RANBP2: variants seen among roughly 807,000 people sequenced by gnomAD.
The protein encoded by RANBP2 is E3 SUMO-protein ligase RanBP2.
Under a neutral mutation model 303.6 loss-of-function variants are expected in RANBP2, and 57 were observed. The observed-to-expected ratio is 0.19, with a 90% CI of 0.15 to 0.23. The LOEUF (loss-of-function observed/expected upper bound fraction) is 0.23, where lower values mean the gene tolerates loss of function less well. Ranked by LOEUF, RANBP2 falls within the 10% of genes least tolerant of loss-of-function variation. RANBP2 has a pLI of 1.00. For synonymous variants in RANBP2, 1,167 were observed against 1,301.5 expected (o/e 0.90, Z 2.23); for missense variants, 3,138 against 3,780.8 (o/e 0.83, Z 4.46).
chr2:108,972,776 G>A, the RANBP2 span, among the ~76,000 whole-genome samples: 1 of 152,184 alleles, frequency 6.6e-6, no homozygotes, highest in Non-Finnish European at 1.5e-5. Context: ...GACTCAGAAG[G>A]GGGTGAGGAC....
chr2:109,539,406 A>T, the RANBP2 span, among the ~76,000 whole-genome samples: 2 of 152,120 alleles, frequency 1.3e-5, no homozygotes, highest in African/African-American at 2.4e-5. Context: ...CCACCCCAAA[A>T]GGTTTCACGT....
the RANBP2 span, among the ~76,000 whole-genome samples, chr2:109,334,357 TTA>T: frequency 1.3e-4 from 13 of 97,674 alleles, no homozygotes; most frequent in Admixed American, 8.6e-4. Context: ...TTTTTTTCCT[TTA>T]AAAAAAAAAA....
At chr2:109,279,438 GGGTCTTC>G in the RANBP2 span, among the ~76,000 whole-genome samples, 1 of 152,170 alleles carries the variant, frequency 6.6e-6, no homozygotes, top group Admixed American at 6.5e-5. Flanking sequence ...CCTGTCTACT[GGGTCTTC>G]CTCCACCTCA....
chr2:109,545,449 G>A, the RANBP2 span: 1 of 1,535,904 alleles, frequency 6.5e-7, no homozygotes, highest in Non-Finnish European at 8.7e-7. Context: ...TTGCACTGTG[G>A]CCCTCTCTAC....
At chr2:109,047,716 A>G in the RANBP2 span, among the ~76,000 whole-genome samples, 19 of 152,362 alleles carry the variant, frequency 1.2e-4, no homozygotes, top group South Asian at 3.7e-3. Flanking sequence ...AGCCTGAGGC[A>G]CAAGAATTGC....
chr2:109,540,798 C>CAAAAAA, the RANBP2 span, among the ~76,000 whole-genome samples: 8,210 of 130,860 alleles, frequency 0.063, 472 homozygotes, highest in African/African-American at 0.13. Context: ...AAGACCCTGT[C>CAAAAAA]AAAAAAAAAA....
chr2:108,781,172 T>G, intron 25 of RANBP2, 97 bp from the exon 26 acceptor site: 3 of 1,199,802 alleles, frequency 2.5e-6, no homozygotes, highest in Non-Finnish European at 3.7e-6. Context: ...ATGTACATAT[T>G]ACATCATCAG....
chr2:109,338,151 A>C, the RANBP2 span, among the ~76,000 whole-genome samples: 3 of 152,240 alleles, frequency 2.0e-5, no homozygotes, highest in African/African-American at 7.2e-5. Flanking sequence ...TGCTACCAAC[A>C]GGAGACCATC....
At chr2:108,957,293 C>A in the RANBP2 span, among the ~76,000 whole-genome samples, 1 of 152,224 alleles carries the variant, frequency 6.6e-6, no homozygotes, top group Admixed American at 6.5e-5. Context: ...CTGGAAACAG[C>A]AACGCCTCTT....
In RANBP2 at chr2:108,768,160, A is replaced by G; in HGVS notation, c.7621A>G (p.Thr2541Ala). Residue 2541 changes from threonine to alanine, a missense_variant, in exon 20 of 29, where the codon ACT becomes GCT. By Grantham distance (58) the Thr-to-Ala change is moderately conservative. Around this residue, in one of 20 missense-constraint regions of RANBP2, gnomAD observed 497 missense variants for 465.8 expected, o/e 1.07. Transcript: ENST00000283195. Reference sequence around the variant, plus strand: ...ATTTGCATTCGGCAACAGTTCAGCCACTGGGTCTTTGTTTGGATTTAGTTT... The same window carrying G: ...ATTTGCATTCGGCAACAGTTCAGCCGCTGGGTCTTTGTTTGGATTTAGTTT... ...KPFAFGNSSA[T>A]GSLFGFSFNA... The G allele has an allele frequency of 6.2e-7, 1 of 1,612,058 alleles. No homozygotes were observed. Among genetic ancestry groups the G allele is most frequent in the Non-Finnish European group, 8.5e-7 (1 of 1,179,868 alleles).
chr2:108,730,027 G>A (rs1695045538), intron 2 of RANBP2, among the ~76,000 whole-genome samples: 1 of 151,354 alleles, frequency 6.6e-6, no homozygotes, highest in Non-Finnish European at 1.5e-5. Flanking sequence ...CTGGGAGGCA[G>A]GCTTTTAAAG....
the RANBP2 span, among the ~76,000 whole-genome samples, chr2:109,341,348 C>T: frequency 9.5e-4 from 145 of 152,320 alleles, no homozygotes; most frequent in African/African-American, 3.3e-3. Flanking sequence ...CTGGTAAATG[C>T]ATTATTTAAA....
At chr2:108,788,887 T>C, downstream of RANBP2, 1 of 1,614,158 alleles carries the variant, frequency 6.2e-7, no homozygotes, top group Non-Finnish European at 8.5e-7. Context: ...TAAAGTTGGT[T>C]CATCGTTAAA....
At chr2:109,337,995 G>C in the RANBP2 span, among the ~76,000 whole-genome samples, 1 of 152,144 alleles carries the variant, frequency 6.6e-6, no homozygotes, top group Admixed American at 6.5e-5. Flanking sequence ...GCCTCCCAAA[G>C]TGTTGGGATT....
At chr2:109,532,855 C>T in the RANBP2 span, among the ~76,000 whole-genome samples, 2 of 152,184 alleles carry the variant, frequency 1.3e-5, no homozygotes, top group African/African-American at 4.8e-5. Context: ...GCAGTGGACA[C>T]CTCACACAGG....
At chr2:109,529,562 C>T in the RANBP2 span, among the ~76,000 whole-genome samples, 3,921 of 152,264 alleles carry the variant, frequency 0.026, 51 homozygotes, top group Middle Eastern at 0.065. Flanking sequence ...GCCAAGGACA[C>T]GTGGTAACAG....
chr2:108,881,238 T>A, the RANBP2 span, among the ~76,000 whole-genome samples: 3 of 152,356 alleles, frequency 2.0e-5, no homozygotes, highest in African/African-American at 7.2e-5. Context: ...TGCTTCAACT[T>A]GCACTTTTAT....
the RANBP2 span, among the ~76,000 whole-genome samples, chr2:109,179,002 A>AGTGT: frequency 1.3e-4 from 6 of 47,174 alleles, no homozygotes; most frequent in African/African-American, 4.0e-4. Context: ...AAAGTATAAT[A>AGTGT]ATGTGTGTGT....
chr2:109,243,832 C>T, the RANBP2 span, among the ~76,000 whole-genome samples: 1 of 152,144 alleles, frequency 6.6e-6, no homozygotes, highest in Admixed American at 6.5e-5. Flanking sequence ...AGGCTGTAAT[C>T]AGGACAATAC....
Sources: gnomAD v4.1 joint callset for allele counts (sites outside exome capture counted in the v4.1 genomes callset) on GRCh38, gnomAD v4.1.1 for gene constraint, gnomAD v4.1.1 regional missense constraint, MANE v1.5 for transcripts, NCBI Gene and HGNC (gene_info 2026-07-23, HGNC 2026-07-21) for gene names.